PLEKHH2: variants seen among roughly 807,000 people sequenced by gnomAD.
The protein encoded by PLEKHH2 is pleckstrin homology, MyTH4 and FERM domain containing H2, also known as pleckstrin homology domain-containing family H member 2.
A neutral mutation model predicts 187.9 loss-of-function variants in PLEKHH2; 129 were observed. That is an observed-to-expected ratio of 0.69 (90% CI 0.59 to 0.79). The LOEUF (loss-of-function observed/expected upper bound fraction) is 0.79, where lower values mean the gene tolerates loss of function less well. Ranked by LOEUF, PLEKHH2 falls within the 30% of genes least tolerant of loss-of-function variation. The probability of loss-of-function intolerance (pLI) is 0.00; values close to 1 mark genes in which losing one functional copy is unlikely to be tolerated. For missense variants in PLEKHH2, 2,076 were observed against 1,751.2 expected, an observed-to-expected ratio of 1.19 and a Z score of -3.31; for synonymous variants, 686 against 605.6, an observed-to-expected ratio of 1.13 and a Z score of -1.95.
rs200974214 is a variant in PLEKHH2, at chr2:43,710,543, A to G, written c.2269A>G (p.Ile757Val). The change falls in exon 14 of 30, where the codon ATT becomes GTT. Residue 757 changes from isoleucine (I) to valine (V), a missense_variant. Ile to Val is a conservative substitution (Grantham distance 29). Coordinates refer to ENST00000282406, the MANE Select transcript of PLEKHH2 (RefSeq NM_172069.4). ...TATTGAACTTAGTGCATCCTGTAGTATTTTAAGAGGAGATAACAAACAAAC... is the reference window on the plus strand; with the variant it reads ...TATTGAACTTAGTGCATCCTGTAGTGTTTTAAGAGGAGATAACAAACAAAC... Reference protein sequence around the residue: ...GHIELSASCSILRGDNKQTVQ... With the variant: ...GHIELSASCSVLRGDNKQTVQ... 1.6e-5 allele frequency: 25 copies of G among 1,573,006 alleles called. No individual in the cohort carries two copies. The highest frequency in any genetic ancestry group is 2.1e-5 in the Non-Finnish European group (25 of 1,164,702).
chr2:43,712,227 G>C lies in PLEKHH2; in HGVS notation c.2304G>C (p.Leu768Phe). 6.2e-7 allele frequency: 1 copy of C among 1,611,982 alleles called. No individual in the cohort carries two copies. The highest frequency in any genetic ancestry group is 8.5e-7 in the Non-Finnish European group (1 of 1,178,238). Residue 768 changes from leucine (L) to phenylalanine (F), a missense_variant and splice_region_variant, in exon 15 of 30, where the codon TTG (leucine) becomes TTC (phenylalanine). Coordinates refer to ENST00000282406, the MANE Select transcript of PLEKHH2 (RefSeq NM_172069.4). ...ATACCTTTCTCGTTGCATTCTAGTT[G>C]ACCACTGAAAAACACACATACTATC... is the stretch of plus-strand genomic sequence containing the variant. ...LRGDNKQTVQ[L>F]TTEKHTYYLT...
intron 2 of PLEKHH2, chr2:43,675,289 G>C (rs115004278): frequency 1.3e-6 from 1 of 778,576 alleles, no homozygotes; most frequent in Admixed American, 3.5e-5. Context: ...AATGAAGTAC[G>C]TATTTTACAC....
At chr2:43,671,302 A>T (rs1271709885) in intron 2 of PLEKHH2, among the ~76,000 whole-genome samples, 1 of 152,168 alleles carries the variant, frequency 6.6e-6, no homozygotes, top group Non-Finnish European at 1.5e-5. Flanking sequence ...TTGCTCTTAT[A>T]TAGAAATACA....
At chr2:43,704,142 AC>A in intron 9 of PLEKHH2, 86 bp downstream of exon 9, 1 of 900,496 alleles carries the variant, frequency 1.1e-6, no homozygotes. Context: ...TGGTACAGTC[AC>A]AAAAAGACAA....
intron 24 of PLEKHH2, among the ~76,000 whole-genome samples, chr2:43,752,971 C>T (rs1672065272): frequency 6.6e-6 from 1 of 152,022 alleles, no homozygotes; most frequent in Non-Finnish European, 1.5e-5. Flanking sequence ...TTTCAGATTC[C>T]CAGAGAAAAC....
At chr2:43,660,022 C>T (rs1297932128) in intron 2 of PLEKHH2, among the ~76,000 whole-genome samples, 1 of 152,154 alleles carries the variant, frequency 6.6e-6, no homozygotes, top group Non-Finnish European at 1.5e-5. Context: ...CAGAAATTTC[C>T]CTCCTGCGCC....
Position 43,762,362 on chromosome 2 carries a change from G to C in PLEKHH2, c.4130G>C (p.Gly1377Ala). The change falls in exon 28 of 30, where the codon GGT becomes GCT. Residue 1377 changes from glycine (G) to alanine (A), a missense_variant. Gly to Ala is a moderately conservative substitution (Grantham distance 60, BLOSUM62 0). Transcript: ENST00000282406. ...TFLWLAVHED[G>A]LSLLEYNSMR... ...TTGTGGCTGGCTGTACATGAGGATGGTTTAAGCCTCTTAGAATACAACTCC... is the reference window on the plus strand; with the variant it reads ...TTGTGGCTGGCTGTACATGAGGATGCTTTAAGCCTCTTAGAATACAACTCC... The C allele has an allele frequency of 6.2e-7, 1 of 1,612,462 alleles. No homozygotes were observed. The highest frequency in any genetic ancestry group is 8.5e-7 in the Non-Finnish European group (1 of 1,178,656).
chr2:43,714,335 C>G (rs544880761), intron 15 of PLEKHH2, among the ~76,000 whole-genome samples: 2 of 152,210 alleles, frequency 1.3e-5, no homozygotes, highest in Non-Finnish European at 2.9e-5. Context: ...CGATGGGATT[C>G]TCAGATGACT....
chr2:43,728,492 A>G (rs540454116), intron 17 of PLEKHH2, among the ~76,000 whole-genome samples: 17 of 151,062 alleles, frequency 1.1e-4, no homozygotes, highest in South Asian at 1.0e-3. Flanking sequence ...AAAAAAAAAA[A>G]AAAGAAAGAA....
At chr2:43,764,831 G>A (rs1471905109) in intron 29 of PLEKHH2, among the ~76,000 whole-genome samples, 1 of 152,168 alleles carries the variant, frequency 6.6e-6, no homozygotes, top group Admixed American at 6.5e-5. Flanking sequence ...AAACTGTGTA[G>A]TTTTAACATC....
chr2:43,641,464 G>A (rs1202429902), intron 1 of PLEKHH2, among the ~76,000 whole-genome samples: 3 of 151,070 alleles, frequency 2.0e-5, no homozygotes, highest in Admixed American at 2.0e-4. Flanking sequence ...AAACAAATTT[G>A]TAAACTTTCT....
In PLEKHH2 at chr2:43,726,409, C is replaced by A. The variant is rs1228214683; in HGVS notation, c.2679C>A (p.Asp893Glu). The change falls in exon 17 of 30, where the codon GAC (aspartate) becomes GAA (glutamate). Residue 893 changes from aspartate to glutamate, a missense_variant. By Grantham distance (45) the Asp-to-Glu change is conservative. Transcript: ENST00000282406. ...THYTIVIHPK[D>E]QGPTYLLIGS... ...ATACTATCGTTATCCATCCCAAAGA[C>A]CAAGGTCCAACTTACCTCCTAATTG... 6.2e-7 allele frequency: 1 copy of A among 1,612,026 alleles called. No individual in the cohort carries two copies. Among genetic ancestry groups the A allele is most frequent in the South Asian group, 1.1e-5 (1 of 90,996 alleles).
chr2:43,767,669 T>A lies in PLEKHH2; in HGVS notation c.*2071T>A, dbSNP rs1277202522. On this transcript the variant is annotated 3_prime_UTR_variant, in exon 30 of 30. Coordinates refer to ENST00000282406, the MANE Select transcript of PLEKHH2 (RefSeq NM_172069.4). ...AGGGCTTTATTCTCAGGCAGTAGTTTATTCATCATTTGGTAAGCCCCTCCC... is the reference window on the plus strand; with the variant it reads ...AGGGCTTTATTCTCAGGCAGTAGTTAATTCATCATTTGGTAAGCCCCTCCC... 6.5e-6 allele frequency: 1 copy of A among 152,756 alleles called. No homozygotes were observed. The highest frequency in any genetic ancestry group is 1.5e-5 in the Non-Finnish European group (1 of 68,028). The allele number at this position is 152,756 out of a possible 1,614,324, so 9.5% of individuals were successfully genotyped here. A position where few individuals can be genotyped will look rare whatever the true frequency, so the allele number is the denominator to read the frequency against.
At chr2:43,706,942 A>G (rs1669686606) in intron 10 of PLEKHH2, among the ~76,000 whole-genome samples, 1 of 152,210 alleles carries the variant, frequency 6.6e-6, no homozygotes, top group African/African-American at 2.4e-5. Context: ...TCACGCCTGT[A>G]ATCCCAGCAC....
At chr2:43,740,261 A>T (rs1671499361) in intron 20 of PLEKHH2, among the ~76,000 whole-genome samples, 1 of 152,174 alleles carries the variant, frequency 6.6e-6, no homozygotes, top group Non-Finnish European at 1.5e-5. Context: ...TTTTTAACAA[A>T]TGCAGTGTTT....
At position 43,726,275 on chromosome 2, in the gene PLEKHH2, C is replaced by G. The variant is rs1280276891; in HGVS notation, c.2545C>G (p.Pro849Ala). 1 of 1,600,600 alleles carries G rather than the reference C, an allele frequency of 6.2e-7. No homozygotes were observed. The highest frequency in any genetic ancestry group is 1.1e-5 in the South Asian group (1 of 90,562). The change falls in exon 17 of 30, where the codon CCT becomes GCT. Residue 849 changes from proline (P) to alanine (A), a missense_variant. Coordinates refer to ENST00000282406, the MANE Select transcript of PLEKHH2 (RefSeq NM_172069.4). ...YYFRSQEDKF[P>A]LGQIKLWEAK... is the part of the protein sequence containing the mutation. ...CAATTACTAATATTTACTTTAGTTT[C>G]CTTTAGGTCAGATCAAACTCTGGGA...
In PLEKHH2 at chr2:43,699,940, G is replaced by A. The variant is rs777673724; in HGVS notation, c.982G>A (p.Ala328Thr). ...SRMGSEMYLTASDDSSSIFEE... is the reference protein window; with the variant it reads ...SRMGSEMYLTTSDDSSSIFEE... ...GATGGGAAGTGAAATGTATCTGACA[G>A]CATCTGATGACAGCAGCTCTATATT... Residue 328 changes from alanine to threonine, a missense_variant, in exon 8 of 30, where the codon GCA (alanine) becomes ACA (threonine). By Grantham distance (58) the Ala-to-Thr change is moderately conservative. Coordinates refer to ENST00000282406, the MANE Select transcript of PLEKHH2 (RefSeq NM_172069.4). 1.2e-6 allele frequency: 2 copies of A among 1,614,128 alleles called. No homozygotes were observed. The highest frequency in any genetic ancestry group is 1.1e-5 in the South Asian group (1 of 91,086).
At chr2:43,761,676 G>C (rs1441698185) in intron 27 of PLEKHH2, among the ~76,000 whole-genome samples, 4 of 152,030 alleles carry the variant, frequency 2.6e-5, no homozygotes, top group Non-Finnish European at 5.9e-5. Context: ...TTCCCAAGGT[G>C]CTAGGATTAC....
At chr2:43,759,128 G>T in intron 27 of PLEKHH2, 99 bp downstream of exon 27, 1 of 1,416,098 alleles carries the variant, frequency 7.1e-7, no homozygotes, top group Non-Finnish European at 9.4e-7. Context: ...TGTAAAAAAT[G>T]AAGAAATATC....
Sources: gnomAD v4.1 joint callset for allele counts (sites outside exome capture counted in the v4.1 genomes callset) on GRCh38, gnomAD v4.1.1 for gene constraint, MANE v1.5 for transcripts, NCBI Gene and HGNC (gene_info 2026-07-23, HGNC 2026-07-21) for gene names.